Variants in CAPN15 observed in about 807,000 individuals in gnomAD.
CAPN15 encodes calpain-15.
CAPN15 carries 53 observed loss-of-function variants against 97.9 expected under a neutral mutation model. The observed-to-expected ratio is 0.54, with a 90% CI of 0.43 to 0.68. The LOEUF (loss-of-function observed/expected upper bound fraction) is 0.68. CAPN15 is among the 30% of genes least tolerant of loss of function. The pLI is 0.00. For missense variants in CAPN15, 1,592 were observed against 1,589.8 expected (o/e 1.00, Z -0.02); for synonymous variants, 922 against 722.5 (o/e 1.28, Z -4.43).
intron 7 of CAPN15, among the ~76,000 whole-genome samples, chr16:550,801 C>T (rs1366658390): frequency 4.5e-5 from 1 of 22,194 alleles, no homozygotes; most frequent in Non-Finnish European, 8.2e-5. Context: ...GGGTCCCGGT[C>T]GGTGAGGGCC....
intron 3 of CAPN15, among the ~76,000 whole-genome samples, chr16:545,450 G>A (rs997904565): frequency 1.3e-5 from 2 of 152,094 alleles, no homozygotes; most frequent in African/African-American, 4.8e-5. Flanking sequence ...GCCACAGAAG[G>A]GCCGTGGCCT....
chr16:530,789 C>T (rs983472828), intron 1 of CAPN15, among the ~76,000 whole-genome samples: 3 of 152,202 alleles, frequency 2.0e-5, no homozygotes, highest in African/African-American at 7.2e-5. Flanking sequence ...CGTGGGCCCC[C>T]CAAGATGAGC....
At chr16:536,457 C>G (rs893604273) in intron 3 of CAPN15, among the ~76,000 whole-genome samples, 1 of 150,338 alleles carries the variant, frequency 6.7e-6, no homozygotes, top group African/African-American at 2.5e-5. Context: ...GAGTCTCGCT[C>G]TGTCGCCCCG....
At position 548,366 on chromosome 16, in the gene CAPN15, G is replaced by A. The variant is rs1293576290; in HGVS notation, c.1449+79G>A. On this transcript the variant is annotated intron_variant, in intron 4 of 13. Transcript: ENST00000219611. Reference sequence around the variant, plus strand: ...CCCTTCCTAGGCTTTGGGCTCTGGCGATGGGCTGGGGAGGAGCCCACAAGG... The same window carrying A: ...CCCTTCCTAGGCTTTGGGCTCTGGCAATGGGCTGGGGAGGAGCCCACAAGG... 22 of 1,352,046 alleles carry A rather than the reference G, an allele frequency of 1.6e-5. No individual in the cohort carries two copies. In the East Asian group the frequency reaches 4.8e-4, roughly 30 times the overall value. 83.8% of individuals were successfully genotyped at this position (1,352,046 alleles called of 1,614,324 possible).
At chr16:539,200 C>G (rs936834496) in intron 3 of CAPN15, 1 of 152,336 alleles carries the variant, frequency 6.6e-6, no homozygotes. Flanking sequence ...TACCCTGACG[C>G]TGGCTGTGTG....
In CAPN15 at chr16:553,476, C is replaced by T. The variant is rs769160654; in HGVS notation, c.3221C>T (p.Thr1074Met). The change falls in exon 14 of 14, where the codon ACG becomes ATG. Residue 1074 changes from threonine (T) to methionine (M), a missense_variant. By Grantham distance (81) the Thr-to-Met change is moderately conservative. Around this residue, in one of 3 missense-constraint regions of CAPN15, gnomAD observed 644 missense variants for 699.6 expected, o/e 0.92. Coordinates refer to ENST00000219611, the MANE Select transcript of CAPN15 (RefSeq NM_005632.3). ...AAGGGGACCCACAGCCCCCCACTCA[C>T]GCCAGAGGTCGCCGGTCTGCATGGG... The part of the protein sequence containing the change: ...ASKGTHSPPL[T>M]PEVAGLHGPR... 16 of 1,610,894 alleles carry T rather than the reference C, an allele frequency of 9.9e-6. No individual in the cohort carries two copies. The highest frequency in any genetic ancestry group is 1.7e-5 in the Admixed American group (1 of 59,892).
Position 547,027 on chromosome 16 carries a change from C to T in CAPN15, c.189C>T (p.Ala63=). The T allele has an allele frequency of 6.2e-7, 1 of 1,609,742 alleles. No homozygotes were observed. The highest frequency in any genetic ancestry group is 8.5e-7 in the Non-Finnish European group (1 of 1,179,660). ...TCCGCAACTTCCTGGGCAAGGAGGC[C>T]TGCGAGGTGTGCGGCTTCACCCCGG... is the stretch of plus-strand genomic sequence containing the variant. The part of the protein sequence containing the change: ...CTFRNFLGKE[A]CEVCGFTPEP... The change falls in exon 4 of 14, where the codon GCC becomes GCT. Residue 63 remains alanine (A), a synonymous_variant. Coordinates refer to ENST00000219611, the MANE Select transcript of CAPN15 (RefSeq NM_005632.3).
intron 3 of CAPN15, chr16:537,570 T>A: frequency 2.3e-6 from 1 of 436,754 alleles, no homozygotes; most frequent in Non-Finnish European, 3.0e-6. Flanking sequence ...TTCTGTCCCG[T>A]GGCACCTCCG....
At chr16:551,881 G>T (rs563632905) in intron 9 of CAPN15, 170 bp from the exon 10 acceptor site, 1 of 977,690 alleles carries the variant, frequency 1.0e-6, no homozygotes, top group Admixed American at 2.0e-5. Context: ...GCCCTGGAGG[G>T]CTTCCTATTA....
At chr16:551,483 G>A in intron 8 of CAPN15, 29 bp from the exon 9 acceptor site, 1 of 1,603,654 alleles carries the variant, frequency 6.2e-7, no homozygotes, top group Non-Finnish European at 8.5e-7. Flanking sequence ...GGGCAGTGTG[G>A]TTCAGATCCT....
At chr16:530,512 G>A (rs968381320) in intron 1 of CAPN15, among the ~76,000 whole-genome samples, 1 of 152,230 alleles carries the variant, frequency 6.6e-6, no homozygotes, top group Non-Finnish European at 1.5e-5. Context: ...CAGGCTTGCT[G>A]GCCTGTGATC....
chr16:549,756 C>T lies in CAPN15; in HGVS notation c.1984C>T (p.Gln662Ter). The T allele has an allele frequency of 6.3e-7, 1 of 1,590,808 alleles. No homozygotes were observed. The highest frequency in any genetic ancestry group is 8.6e-7 in the Non-Finnish European group (1 of 1,169,038). The stretch of plus-strand genomic sequence containing the variant: ...CGCCCCCTGTGAGAGCCTGGCGCTG[C>T]AGCTCAGCTCCACTAACCCCCGCGA... ...TGAPCESLAL[Q>*]LSSTNPREEP... Residue 662 changes from glutamine (Q) to a stop codon, truncating the protein, a stop_gained, in exon 7 of 14, where the codon CAG becomes TAG. Coordinates refer to ENST00000219611, the MANE Select transcript of CAPN15 (RefSeq NM_005632.3). LOFTEE classifies it high-confidence loss of function.
chr16:550,075 C>T (rs1297219467), intron 7 of CAPN15, among the ~76,000 whole-genome samples: 6 of 152,188 alleles, frequency 3.9e-5, no homozygotes, highest in Admixed American at 1.3e-4. Flanking sequence ...GGGGCGAGAC[C>T]GATGCCGTCA....
chr16:549,608 T>C lies in CAPN15; in HGVS notation c.1843-7T>C. Reference sequence around the variant, plus strand: ...GCGGGGGTGGCCTCTGACCCGGCCCTCTGCAGGCGCAGCGGAAGCAGCTGT... The same window carrying C: ...GCGGGGGTGGCCTCTGACCCGGCCCCCTGCAGGCGCAGCGGAAGCAGCTGT... On this transcript the variant is annotated splice_region_variant and splice_polypyrimidine_tract_variant and intron_variant, in intron 6 of 13. Coordinates refer to ENST00000219611, the MANE Select transcript of CAPN15 (RefSeq NM_005632.3). The C allele has an allele frequency of 6.5e-7, 1 of 1,534,750 alleles. No individual in the cohort carries two copies. The highest frequency in any genetic ancestry group is 8.7e-7 in the Non-Finnish European group (1 of 1,143,746).
chr16:551,782 C>G (rs964037628), intron 9 of CAPN15, 118 bp downstream of exon 9: 1 of 1,311,546 alleles, frequency 7.6e-7, no homozygotes, highest in Non-Finnish European at 1.1e-6. Context: ...GTTCGTGGCC[C>G]AAATGGGACC....
chr16:549,049 C>A lies in CAPN15; in HGVS notation c.1506C>A (p.Phe502Leu). The change falls in exon 5 of 14, where the codon TTC becomes TTA. Residue 502 changes from phenylalanine (F) to leucine (L), a missense_variant. Around this residue, in one of 3 missense-constraint regions of CAPN15, gnomAD observed 883 missense variants for 776.6 expected, o/e 1.14. Transcript: ENST00000219611. ...CTCCCGGGCCCGAGTCTGTCGGCTT[C>A]CCCGCGGGTGACAGCGTGCAGCAGC... ...SFPPGPESVG[F>L]PAGDSVQQRV... The A allele has an allele frequency of 6.2e-7, 1 of 1,612,768 alleles. No individual in the cohort carries two copies. The highest frequency in any genetic ancestry group is 1.1e-5 in the South Asian group (1 of 91,084).
chr16:543,301 GGCA>G (rs1312385023), intron 3 of CAPN15: 1 of 154,622 alleles, frequency 6.5e-6, no homozygotes, highest in Non-Finnish European at 1.5e-5. Context: ...TGCAGCTCCC[GGCA>G]GCCTCGGGCC....
Position 553,468 on chromosome 16 carries a change from C to G in CAPN15, c.3213C>G (p.Pro1071=). 1 of 1,611,520 alleles carries G rather than the reference C, an allele frequency of 6.2e-7. No homozygotes were observed. The highest frequency in any genetic ancestry group is 1.1e-5 in the South Asian group (1 of 91,008). The change falls in exon 14 of 14, where the codon CCC becomes CCG. Residue 1071 remains proline (P), a synonymous_variant. Coordinates refer to ENST00000219611, the MANE Select transcript of CAPN15 (RefSeq NM_005632.3). The part of the protein sequence containing the change: ...DWTASKGTHS[P]PLTPEVAGLH... ...CAGCCTCCAAGGGGACCCACAGCCC[C>G]CCACTCACGCCAGAGGTCGCCGGTC...
intron 3 of CAPN15, among the ~76,000 whole-genome samples, chr16:544,325 C>T (rs1211587995): frequency 1.3e-5 from 2 of 152,006 alleles, no homozygotes; most frequent in African/African-American, 2.4e-5. Flanking sequence ...CTGCCCCGGC[C>T]GGACGGGGCA....
Sources: allele counts gnomAD v4.1 joint callset (sites outside exome capture counted in the v4.1 genomes callset), GRCh38; gene constraint gnomAD v4.1.1; regional missense constraint gnomAD v4.1.1; transcripts MANE v1.5; gene names NCBI Gene and HGNC (gene_info 2026-07-23, HGNC 2026-07-21).